Variants in CHODL observed in about 807,000 individuals in gnomAD.
The protein encoded by CHODL is transmembrane protein MT75.
CHODL carries 29 observed loss-of-function variants against 34.5 expected under a neutral mutation model. That is an observed-to-expected ratio of 0.84 (90% CI 0.63 to 1.15). CHODL has a LOEUF of 1.15. CHODL is among the 50% of genes most tolerant of loss of function. The pLI is 0.00. For missense variants in CHODL, 332 were observed against 332.5 expected (o/e 1.00, Z 0.01); for synonymous variants, 125 against 116.1 (o/e 1.08, Z -0.49).
intron 5 of CHODL, 75 bp downstream of exon 5, chr21:18,262,968 C>A: frequency 1.2e-6 from 1 of 808,858 alleles, no homozygotes; most frequent in Non-Finnish European, 2.1e-6. Flanking sequence ...AAACTATTAG[C>A]ATAAAGTTAA....
chr21:18,161,923 G>A (rs2146644240), intron 2 of CHODL, among the ~76,000 whole-genome samples: 1 of 152,228 alleles, frequency 6.6e-6, no homozygotes, highest in East Asian at 1.9e-4. Flanking sequence ...CCTACAAACT[G>A]AAAAGTATGT....
intron 2 of CHODL, among the ~76,000 whole-genome samples, chr21:18,232,942 GATATATATAT>G (rs371388519): frequency 5.0e-5 from 6 of 119,424 alleles, no homozygotes; most frequent in East Asian, 4.6e-4. Flanking sequence ...ATGATGTTAT[GATATATATAT>G]ATATATATAT....
chr21:18,090,817 T>TG (rs1231469221), intron 2 of CHODL, among the ~76,000 whole-genome samples: 2 of 151,354 alleles, frequency 1.3e-5, no homozygotes, highest in Non-Finnish European at 2.9e-5. Context: ...CTACATTGTA[T>TG]GTCTCCACTG....
rs116609629 is a variant in CHODL, at chr21:18,039,818, T to C, written c.-45+11847T>C. ...AATTAAATAAAAGTTAAAATAACAATTAAAGCCTTTGCAAATTACCCTTTA... is the reference window on the plus strand; with the variant it reads ...AATTAAATAAAAGTTAAAATAACAACTAAAGCCTTTGCAAATTACCCTTTA... On this transcript the variant is annotated intron_variant, in intron 2 of 6. Coordinates refer to the CHODL transcript ENST00000400127. 5.9e-3 allele frequency among the ~76,000 whole-genome samples: 891 copies of C among 151,910 alleles called. 11 individuals carry two copies. The highest frequency in any genetic ancestry group is 0.021 in the African/African-American group (855 of 41,530).
In CHODL at chr21:17,950,529, CACACACTT is replaced by C. The variant is rs1313775450; in HGVS notation, c.-145+33130_-145+33137del. 5.1e-3 allele frequency among the ~76,000 whole-genome samples: 633 copies of C among 125,190 alleles called. 7 individuals carry two copies. The highest frequency in any genetic ancestry group is 0.018 in the African/African-American group (573 of 32,478). 82.1% of individuals were successfully genotyped at this position (125,190 alleles called of 152,430 possible). On this transcript the variant is annotated intron_variant, in intron 1 of 6. Transcript: ENST00000400127. ...ACACACACACACACACACACACACA[CACACACTT>C]CTTTAAAGCCATCTAAGAACTGTGG...
At chr21:18,035,658 G>A (rs953224155) in intron 2 of CHODL, among the ~76,000 whole-genome samples, 17 of 151,774 alleles carry the variant, frequency 1.1e-4, no homozygotes, top group African/African-American at 4.1e-4. Context: ...CTTTGTTTAC[G>A]TTGCAGATAG....
chr21:18,067,082 T>C (rs2064741137), intron 2 of CHODL, among the ~76,000 whole-genome samples: 1 of 152,236 alleles, frequency 6.6e-6, no homozygotes, highest in South Asian at 2.1e-4. Context: ...TCATGGGTTA[T>C]GTTTTATGCC....
At chr21:18,083,967 A>G (rs191100072) in intron 2 of CHODL, among the ~76,000 whole-genome samples, 9 of 152,322 alleles carry the variant, frequency 5.9e-5, no homozygotes, top group East Asian at 3.9e-4. Context: ...TGAGAAGAAC[A>G]TGAGATTTGG....
chr21:17,931,321 CAAG>C (rs1406057368), intron 1 of CHODL, among the ~76,000 whole-genome samples: 5 of 152,164 alleles, frequency 3.3e-5, no homozygotes, highest in Admixed American at 6.5e-5. Flanking sequence ...AACATGCTAA[CAAG>C]AAGTACACAA....
intron 2 of CHODL, among the ~76,000 whole-genome samples, chr21:18,194,531 G>C (rs566774448): frequency 6.6e-6 from 1 of 150,942 alleles, no homozygotes; most frequent in East Asian, 1.9e-4. Flanking sequence ...TGTGTTTCAA[G>C]TCATCTCTTA....
At chr21:18,051,015 G>C (rs972029556) in intron 2 of CHODL, among the ~76,000 whole-genome samples, 2 of 151,602 alleles carry the variant, frequency 1.3e-5, no homozygotes, top group Non-Finnish European at 2.9e-5. Context: ...TGCCATGGTG[G>C]TTTGCTGCAC....
chr21:18,006,562 C>T (rs1185529062), intron 1 of CHODL, among the ~76,000 whole-genome samples: 1 of 152,144 alleles, frequency 6.6e-6, no homozygotes, highest in Admixed American at 6.5e-5. Context: ...TATTTAGATT[C>T]CTTACAGGGA....
At chr21:17,993,824 A>G (rs2063821966) in intron 1 of CHODL, among the ~76,000 whole-genome samples, 1 of 152,050 alleles carries the variant, frequency 6.6e-6, no homozygotes, top group Admixed American at 6.6e-5. Context: ...ACTAGCTTAC[A>G]CTCCCACCAA....
intron 2 of CHODL, among the ~76,000 whole-genome samples, chr21:18,153,051 A>C (rs1394284750): frequency 6.6e-6 from 1 of 152,222 alleles, no homozygotes; most frequent in Non-Finnish European, 1.5e-5. Flanking sequence ...TATGATCAAT[A>C]CACTCTATAT....
intron 1 of CHODL, among the ~76,000 whole-genome samples, chr21:18,012,246 T>C (rs1056411092): frequency 6.6e-6 from 1 of 152,242 alleles, no homozygotes; most frequent in Admixed American, 6.5e-5. Context: ...TTCTGCTCCC[T>C]TGCTCTCATT....
chr21:17,950,533 CACTT>C (rs368261702), intron 1 of CHODL, among the ~76,000 whole-genome samples: 1,568 of 121,678 alleles, frequency 0.013, 12 homozygotes, highest in African/African-American at 0.019. Flanking sequence ...CACACACACA[CACTT>C]CTTTAAAGCC....
chr21:18,127,815 C>G (rs1451672427), intron 2 of CHODL, among the ~76,000 whole-genome samples: 1 of 151,082 alleles, frequency 6.6e-6, no homozygotes, highest in Non-Finnish European at 1.5e-5. Context: ...AGGTGCCAGT[C>G]AGGCCTGGCT....
chr21:18,077,192 A>G (rs55916013), intron 2 of CHODL, among the ~76,000 whole-genome samples: 2,349 of 151,862 alleles, frequency 0.015, 37 homozygotes, highest in Non-Finnish European at 0.026. Flanking sequence ...CTTCTTTCCT[A>G]TTTTCCCTTT....
intron 2 of CHODL, among the ~76,000 whole-genome samples, chr21:18,155,881 T>G (rs2073028086): frequency 1.3e-5 from 2 of 152,178 alleles, no homozygotes; most frequent in Admixed American, 1.3e-4. Flanking sequence ...TAAAGGCCAC[T>G]TACAGTAAAT....
Sources: gnomAD v4.1 joint callset for allele counts (sites outside exome capture counted in the v4.1 genomes callset) on GRCh38, gnomAD v4.1.1 for gene constraint, MANE v1.5 for transcripts, NCBI Gene and HGNC (gene_info 2026-07-23, HGNC 2026-07-21) for gene names.